CFAP58: variants seen among roughly 807,000 people sequenced by gnomAD.
CFAP58 encodes cilia- and flagella-associated protein 58.
In CFAP58, 88 loss-of-function variants were observed where a neutral mutation model predicts 119.5. The ratio of observed to expected loss-of-function variants is 0.74; its 90% confidence interval spans 0.62 to 0.88. The LOEUF (loss-of-function observed/expected upper bound fraction) is 0.88, where lower values mean the gene tolerates loss of function less well. Ranked by LOEUF, CFAP58 falls within the 40% of genes least tolerant of loss-of-function variation. The pLI is 0.00. For synonymous variants in CFAP58, 365 were observed against 366.3 expected (o/e 1.00, Z 0.04); for missense variants, 990 against 1,021.2 (o/e 0.97, Z 0.42).
intron 13 of CFAP58, 146 bp from the exon 14 acceptor site, chr10:104,403,583 A>C (rs1386396677): frequency 2.3e-6 from 1 of 431,698 alleles, no homozygotes; most frequent in African/African-American, 2.0e-5. Context: ...CTTGCCCAGA[A>C]TTAGGAGGCT....
At position 104,364,741 on chromosome 10, in the gene CFAP58, A is replaced by G; in HGVS notation, c.449A>G (p.Asp150Gly). 6.2e-7 allele frequency: 1 copy of G among 1,612,918 alleles called. No individual in the cohort carries two copies. The highest frequency in any genetic ancestry group is 8.5e-7 in the Non-Finnish European group (1 of 1,179,490). ...GTGTTCTTCCTTTTTAGCATCCGAG[A>G]TTTACTGAGGTTCAAAGAAGAAGTG... is the stretch of plus-strand genomic sequence containing the variant. ...LSMDQHSNIRDLLRFKEEVTK... is the reference protein window; with the variant it reads ...LSMDQHSNIRGLLRFKEEVTK... The change falls in exon 4 of 18, where the codon GAT becomes GGT. Residue 150 changes from aspartate to glycine, a missense_variant. Physicochemically the swap from Asp to Gly is moderately conservative, Grantham distance 94. Transcript: ENST00000369704.
At chr10:104,437,994 A>G (rs537426209) in intron 15 of CFAP58, among the ~76,000 whole-genome samples, 2 of 152,346 alleles carry the variant, frequency 1.3e-5, no homozygotes, top group South Asian at 4.1e-4. Flanking sequence ...GTGAACAGGC[A>G]TTTCTCAGAG....
chr10:104,358,009 A>G (rs2014609139), intron 1 of CFAP58, among the ~76,000 whole-genome samples: 1 of 129,920 alleles, frequency 7.7e-6, no homozygotes, highest in Non-Finnish European at 1.7e-5. Context: ...ACATATATAC[A>G]CATATATGTA....
intron 4 of CFAP58, among the ~76,000 whole-genome samples, chr10:104,365,574 T>C (rs2014730263): frequency 6.6e-6 from 1 of 152,144 alleles, no homozygotes; most frequent in Non-Finnish European, 1.5e-5. Flanking sequence ...TACCACACTT[T>C]GTGGATTTGT....
intron 15 of CFAP58, among the ~76,000 whole-genome samples, chr10:104,444,549 A>C (rs1303935856): frequency 6.6e-6 from 1 of 152,238 alleles, no homozygotes; most frequent in Non-Finnish European, 1.5e-5. Flanking sequence ...GAGAGAAATA[A>C]ATTGGAAGAC....
At chr10:104,354,328 C>T (rs1456922290) in intron 1 of CFAP58, among the ~76,000 whole-genome samples, 1 of 152,098 alleles carries the variant, frequency 6.6e-6, no homozygotes, top group East Asian at 1.9e-4. Flanking sequence ...TGGCCCTTGT[C>T]CACCTGTCAC....
chr10:104,353,496 C>T, upstream of CFAP58: 1 of 202,274 alleles, frequency 4.9e-6, no homozygotes, highest in Non-Finnish European at 1.0e-5. Context: ...ATGCTTGGCT[C>T]CCTAGTGTCA....
At chr10:104,391,581 A>G (rs1189269777) in intron 9 of CFAP58, among the ~76,000 whole-genome samples, 3 of 152,154 alleles carry the variant, frequency 2.0e-5, no homozygotes, top group South Asian at 2.1e-4. Context: ...TACTGTGTGC[A>G]TGGCTTGTTG....
intron 9 of CFAP58, among the ~76,000 whole-genome samples, chr10:104,391,179 A>G (rs538852358): frequency 6.6e-6 from 1 of 152,302 alleles, no homozygotes; most frequent in Admixed American, 6.5e-5. Context: ...AGTCATGGTG[A>G]ATATCAGGAT....
At chr10:104,441,977 G>A (rs2013043771) in intron 15 of CFAP58, among the ~76,000 whole-genome samples, 1 of 152,168 alleles carries the variant, frequency 6.6e-6, no homozygotes, top group Admixed American at 6.6e-5. Flanking sequence ...AATGTAATAT[G>A]TTTACAGAGT....
intron 15 of CFAP58, among the ~76,000 whole-genome samples, chr10:104,426,329 G>C (rs928573133): frequency 3.3e-5 from 5 of 152,064 alleles, no homozygotes; most frequent in Non-Finnish European, 7.4e-5. Context: ...GGTGGCTTTC[G>C]GTCTTTCCTC....
chr10:104,412,843 G>A (rs908560683), intron 15 of CFAP58, among the ~76,000 whole-genome samples: 2 of 152,090 alleles, frequency 1.3e-5, no homozygotes, highest in Admixed American at 6.6e-5. Context: ...CATTATAGAC[G>A]GACTGGCTCT....
chr10:104,346,064 C>T, the CFAP58 span, among the ~76,000 whole-genome samples: 1 of 151,966 alleles, frequency 6.6e-6, no homozygotes. Flanking sequence ...TGGTGAGGGC[C>T]TCAGGAAGCT....
intron 15 of CFAP58, among the ~76,000 whole-genome samples, chr10:104,415,105 C>A (rs993656003): frequency 1.3e-5 from 2 of 152,102 alleles, no homozygotes; most frequent in African/African-American, 4.8e-5. Flanking sequence ...GGCAGTGTAC[C>A]AAGGGCTGTG....
rs2133101153 is a variant in CFAP58, at chr10:104,449,986, A to G, written c.2377-85A>G. Reference sequence around the variant, plus strand: ...GGCATTGTTTTGCACCTCTAGCTCCACTGCGGTAAATGGTAGCAGATTAAA... The same window carrying G: ...GGCATTGTTTTGCACCTCTAGCTCCGCTGCGGTAAATGGTAGCAGATTAAA... On this transcript the variant is annotated intron_variant, in intron 16 of 17. Coordinates refer to ENST00000369704, the MANE Select transcript of CFAP58 (RefSeq NM_001008723.2). The G allele has an allele frequency of 3.7e-6, 5 of 1,348,480 alleles. No homozygotes were observed. The South Asian group carries it at 5.6e-5, about 15-fold the overall frequency. 83.5% of individuals were successfully genotyped at this position (1,348,480 alleles called of 1,614,324 possible). A position where few individuals can be genotyped will look rare whatever the true frequency, so the allele number is the denominator to read the frequency against.
At chr10:104,396,033 G>A (rs1399607108) in intron 11 of CFAP58, among the ~76,000 whole-genome samples, 1 of 152,140 alleles carries the variant, frequency 6.6e-6, no homozygotes, top group African/African-American at 2.4e-5. Context: ...TACACTGTCA[G>A]CACATTATGG....
rs11192058 is a variant in CFAP58 at position 104,442,305 on chromosome 10, T to C, written c.2257-5393T>C. Among the ~76,000 whole-genome samples the C allele has an allele frequency of 1.8e-4, 27 of 152,160 alleles. No individual in the cohort carries two copies. The East Asian group carries it at 4.6e-3, about 26-fold the overall frequency. On this transcript the variant is annotated intron_variant, in intron 15 of 17. Coordinates refer to ENST00000369704, the MANE Select transcript of CFAP58 (RefSeq NM_001008723.2). ...AGGAATGTAGTTTAAGAATTATGCT[T>C]ACGGCTGGGTGCAGTGGCTCATGCC...
chr10:104,361,917 C>T, intron 2 of CFAP58, 106 bp from the exon 3 acceptor site: 3 of 1,086,602 alleles, frequency 2.8e-6, no homozygotes, highest in South Asian at 1.6e-5. Flanking sequence ...AGTCAATGCA[C>T]ATTTATATAA....
rs114514909 is a variant in CFAP58, at chr10:104,413,375, C to T, written c.2256+6582C>T. Among the ~76,000 whole-genome samples the T allele has an allele frequency of 7.6e-3, 1,157 of 152,196 alleles. 11 individuals are homozygous for T. The highest frequency in any genetic ancestry group is 0.026 in the African/African-American group (1,099 of 41,498). ...AAGTTCTTCCCTTGCTTGGGATTAA[C>T]GTGAAAATGGTTCTTGAGACTAACT... On this transcript the variant is annotated intron_variant, in intron 15 of 17. Transcript: ENST00000369704.
Sources: gnomAD v4.1 joint callset for allele counts (sites outside exome capture counted in the v4.1 genomes callset) on GRCh38, gnomAD v4.1.1 for gene constraint, MANE v1.5 for transcripts, NCBI Gene and HGNC (gene_info 2026-07-23, HGNC 2026-07-21) for gene names.